RERE: variants seen among roughly 807,000 people sequenced by gnomAD.
RERE encodes the protein arginine-glutamic acid dipeptide repeats protein.
RERE carries 40 observed loss-of-function variants against 146.1 expected under a neutral mutation model. The ratio of observed to expected loss-of-function variants is 0.27; its 90% CI spans 0.21 to 0.36. The LOEUF (loss-of-function observed/expected upper bound fraction) is 0.36. Ranked by LOEUF, RERE falls within the 10% of genes least tolerant of loss-of-function variation. The pLI, the probability that RERE is intolerant of heterozygous loss-of-function variation, is 1.00. For missense variants in RERE, 1,933 were observed against 2,138.7 expected (o/e 0.90, Z 1.90); for synonymous variants, 1,003 against 866.0 (o/e 1.16, Z -2.78).
chr1:8,577,167 A>T (rs1557694556), intron 4 of RERE, among the ~76,000 whole-genome samples: 2 of 152,054 alleles, frequency 1.3e-5, no homozygotes, highest in Non-Finnish European at 2.9e-5. Context: ...AGACTCAAAA[A>T]AAAAAAAAGA....
chr1:8,369,412 A>C (rs1452911149), intron 12 of RERE, among the ~76,000 whole-genome samples: 1 of 151,822 alleles, frequency 6.6e-6, no homozygotes, highest in Non-Finnish European at 1.5e-5. Flanking sequence ...TTAAAGAAGA[A>C]GTAGTCCAGA....
chr1:8,675,738 TATACATAC>T (rs59265268), intron 1 of RERE, among the ~76,000 whole-genome samples: 1,686 of 147,882 alleles, frequency 0.011, 27 homozygotes, highest in African/African-American at 0.037. Context: ...TACATACATA[TATACATAC>T]ATACATACAT....
At chr1:8,358,103 G>T (rs973979964) in intron 20 of RERE, 93 bp downstream of exon 20, 3 of 1,509,930 alleles carry the variant, frequency 2.0e-6, no homozygotes, top group South Asian at 1.3e-5. Context: ...GTTCAGAAAA[G>T]AACAGTTTCC....
chr1:8,656,556 G>A (rs1638320300), intron 1 of RERE, 115 bp from the exon 2 acceptor site: 2 of 421,052 alleles, frequency 4.8e-6, no homozygotes, highest in Non-Finnish European at 8.2e-6. Flanking sequence ...CTTCGCACAA[G>A]CCACAGGAGA....
intron 7 of RERE, among the ~76,000 whole-genome samples, chr1:8,511,449 G>C (rs994983898): frequency 9.2e-5 from 14 of 152,188 alleles, no homozygotes; most frequent in Non-Finnish European, 1.8e-4. Context: ...ATACAACAAA[G>C]TTCTTTTTGA....
chr1:8,358,551 C>T lies in RERE; in HGVS notation c.3984G>A (p.Glu1328=), dbSNP rs1229723387. The change falls in exon 20 of 23, where the codon GAG becomes GAA. Residue 1328 remains glutamate, a synonymous_variant. Coordinates refer to ENST00000400908, the MANE Select transcript of RERE (RefSeq NM_001042681.2). ...ELRERMKPGF[E]VKPPELDPLH... ...GGGGGTCCAGCTCTGGGGGCTTCAC[C>T]TCGAAGCCCGGCTTCATCCTCTCCC... 6.2e-7 allele frequency: 1 copy of T among 1,604,324 alleles called. No individual in the cohort carries two copies. Among genetic ancestry groups the T allele is most frequent in the Non-Finnish European group, 8.5e-7 (1 of 1,176,064 alleles).
chr1:8,619,773 G>C (rs545437207), intron 3 of RERE, among the ~76,000 whole-genome samples: 1 of 152,246 alleles, frequency 6.6e-6, no homozygotes, highest in Admixed American at 6.5e-5. Flanking sequence ...ATAAAAATAT[G>C]ATTTTATTGT....
At chr1:8,653,411 A>G (rs1418548284) in intron 2 of RERE, among the ~76,000 whole-genome samples, 1 of 152,234 alleles carries the variant, frequency 6.6e-6, no homozygotes, top group East Asian at 1.9e-4. Context: ...AATGTAATCT[A>G]TATCTAAAAG....
intron 1 of RERE, among the ~76,000 whole-genome samples, chr1:8,681,887 T>C (rs1477438440): frequency 6.6e-6 from 1 of 152,220 alleles, no homozygotes; most frequent in East Asian, 1.9e-4. Context: ...CTAATATTCA[T>C]ATTGAGAGAT....
chr1:8,784,240 C>T (rs1050446013), intron 1 of RERE, among the ~76,000 whole-genome samples: 1 of 152,204 alleles, frequency 6.6e-6, no homozygotes, highest in African/African-American at 2.4e-5. Context: ...CACATTTTAG[C>T]CTTTTGCTCA....
At chr1:8,409,197 T>C (rs1338536632) in intron 12 of RERE, among the ~76,000 whole-genome samples, 1 of 152,184 alleles carries the variant, frequency 6.6e-6, no homozygotes, top group Non-Finnish European at 1.5e-5. Context: ...AGTACAACGT[T>C]TGAGAAGAGG....
intron 7 of RERE, among the ~76,000 whole-genome samples, chr1:8,529,863 A>C (rs980082954): frequency 6.6e-6 from 1 of 152,156 alleles, no homozygotes; most frequent in Non-Finnish European, 1.5e-5. Flanking sequence ...CAATTTTAGA[A>C]ATGGGGCTCT....
At chr1:8,498,013 C>A (rs1324444638) in intron 8 of RERE, among the ~76,000 whole-genome samples, 5 of 152,082 alleles carry the variant, frequency 3.3e-5, no homozygotes, top group Non-Finnish European at 5.9e-5. Flanking sequence ...CAGTCAATAG[C>A]AATATAAGTC....
intron 4 of RERE, among the ~76,000 whole-genome samples, chr1:8,574,603 T>G (rs1331606287): frequency 6.6e-6 from 1 of 152,192 alleles, no homozygotes; most frequent in Non-Finnish European, 1.5e-5. Context: ...TGCAATATTA[T>G]ATAGAAATGA....
chr1:8,370,838 T>C (rs1351394906), intron 12 of RERE, among the ~76,000 whole-genome samples: 1 of 152,220 alleles, frequency 6.6e-6, no homozygotes, highest in Non-Finnish European at 1.5e-5. Flanking sequence ...CAGAAATCAA[T>C]AGCTTACTGA....
chr1:8,388,980 C>T (rs938803662), intron 12 of RERE, among the ~76,000 whole-genome samples: 2 of 152,238 alleles, frequency 1.3e-5, no homozygotes, highest in Admixed American at 6.5e-5. Context: ...GAGCACACTT[C>T]TGTGTCCCTG....
intron 1 of RERE, among the ~76,000 whole-genome samples, chr1:8,773,661 T>TA (rs986291145): frequency 6.6e-6 from 1 of 152,056 alleles, no homozygotes; most frequent in South Asian, 2.1e-4. Context: ...CTGTCTCTAC[T>TA]AAAAACACAA....
intron 10 of RERE, among the ~76,000 whole-genome samples, chr1:8,476,345 T>A (rs1359964470): frequency 1.3e-5 from 2 of 152,176 alleles, no homozygotes; most frequent in African/African-American, 2.4e-5. Context: ...CCCTAGAATG[T>A]TGCTACTGGG....
chr1:8,516,330 G>T (rs1007553939), intron 7 of RERE, among the ~76,000 whole-genome samples: 2 of 151,288 alleles, frequency 1.3e-5, no homozygotes, highest in African/African-American at 4.9e-5. Context: ...TTCTATGCTG[G>T]GCACATATTA....
Sources: gnomAD v4.1 joint callset for allele counts (sites outside exome capture counted in the v4.1 genomes callset) on GRCh38, gnomAD v4.1.1 for gene constraint, MANE v1.5 for transcripts, NCBI Gene and HGNC (gene_info 2026-07-23, HGNC 2026-07-21) for gene names.